Variants in PDZRN3 observed in about 807,000 individuals in gnomAD.
PDZRN3 encodes PDZ domain containing ring finger 3, also known as E3 ubiquitin-protein ligase PDZRN3.
A neutral mutation model predicts 85.7 loss-of-function variants in PDZRN3; 38 were observed. That is an observed-to-expected ratio of 0.44 (90% confidence interval 0.34 to 0.58). The LOEUF (loss-of-function observed/expected upper bound fraction) is 0.58. Ranked by LOEUF, PDZRN3 falls within the 20% of genes least tolerant of loss-of-function variation. PDZRN3 has a pLI of 0.01. For missense variants in PDZRN3, 1,629 were observed against 1,506.4 expected, an observed-to-expected ratio of 1.08 and a Z score of -1.35; for synonymous variants, 759 against 638.0, an observed-to-expected ratio of 1.19 and a Z score of -2.86.
chr3:73,603,079 T>C (rs1200205535), intron 2 of PDZRN3, among the ~76,000 whole-genome samples: 5 of 152,264 alleles, frequency 3.3e-5, no homozygotes, highest in African/African-American at 1.2e-4. Context: ...ATTTCAAAGA[T>C]ATTGCCAAAT....
chr3:73,545,606 A>G (rs910750700), intron 3 of PDZRN3, among the ~76,000 whole-genome samples: 1 of 152,184 alleles, frequency 6.6e-6, no homozygotes, highest in African/African-American at 2.4e-5. Context: ...GGAATTGCCA[A>G]TGTCCAACCA....
intron 3 of PDZRN3, among the ~76,000 whole-genome samples, chr3:73,600,028 T>C (rs1474854049): frequency 6.6e-6 from 1 of 152,154 alleles, no homozygotes; most frequent in Non-Finnish European, 1.5e-5. Context: ...ACAGTATTGG[T>C]GGAATTCCAA....
intron 3 of PDZRN3, among the ~76,000 whole-genome samples, chr3:73,456,654 A>G (rs1702983203): frequency 6.6e-6 from 1 of 152,184 alleles, no homozygotes. Context: ...TCACAATAAC[A>G]TCGTCATGTA....
At chr3:73,531,250 CAAAAAAA>C (rs60520136) in intron 3 of PDZRN3, among the ~76,000 whole-genome samples, 2 of 63,944 alleles carry the variant, frequency 3.1e-5, no homozygotes, top group Non-Finnish European at 3.0e-5. Context: ...GACTTCGTCT[CAAAAAAA>C]AAAAAAAAAA....
chr3:73,554,353 GACAC>G lies in PDZRN3; in HGVS notation c.918+47997_918+48000del, dbSNP rs35130068. 6.2e-3 allele frequency among the ~76,000 whole-genome samples: 910 copies of G among 147,266 alleles called. 1 individual carries two copies. The highest frequency in any genetic ancestry group is 0.015 in the African/African-American group (618 of 39,932). The stretch of plus-strand genomic sequence containing the variant: ...ATATCTCACAGGATTGTTGAGAGAA[GACAC>G]ACACACACACACACACACACACACA... On this transcript the variant is annotated intron_variant, in intron 3 of 9. Transcript: ENST00000263666.
At chr3:73,461,998 T>A (rs936413338) in intron 3 of PDZRN3, among the ~76,000 whole-genome samples, 1 of 152,224 alleles carries the variant, frequency 6.6e-6, no homozygotes, top group Non-Finnish European at 1.5e-5. Flanking sequence ...TTGCTCAATA[T>A]TCATTAATGA....
At chr3:73,572,623 C>T (rs1319339714) in intron 3 of PDZRN3, among the ~76,000 whole-genome samples, 1 of 152,132 alleles carries the variant, frequency 6.6e-6, no homozygotes. Context: ...GTCCTTGTTC[C>T]AAGCACACCT....
intron 3 of PDZRN3, among the ~76,000 whole-genome samples, chr3:73,477,585 C>T (rs529457275): frequency 9.9e-5 from 15 of 152,152 alleles, no homozygotes; most frequent in South Asian, 2.1e-4. Flanking sequence ...TGAAAACAAA[C>T]GCTCATGAGC....
At chr3:73,598,658 C>G (rs1422276760) in intron 3 of PDZRN3, among the ~76,000 whole-genome samples, 4 of 152,196 alleles carry the variant, frequency 2.6e-5, no homozygotes, top group African/African-American at 9.7e-5. Context: ...GGCACTTCAT[C>G]TAAGGGGGCC....
chr3:73,522,752 TGAAA>T (rs1221991286), intron 3 of PDZRN3, among the ~76,000 whole-genome samples: 1 of 152,146 alleles, frequency 6.6e-6, no homozygotes, highest in African/African-American at 2.4e-5. Flanking sequence ...AAGAGATATT[TGAAA>T]GAGAGAAACA....
intron 3 of PDZRN3, among the ~76,000 whole-genome samples, chr3:73,556,491 C>T (rs2106818216): frequency 6.6e-6 from 1 of 152,180 alleles, no homozygotes; most frequent in African/African-American, 2.4e-5. Context: ...GTAAAATGAC[C>T]TTTAAATGGT....
At chr3:73,463,861 T>C (rs1703156246) in intron 3 of PDZRN3, among the ~76,000 whole-genome samples, 3 of 152,134 alleles carry the variant, frequency 2.0e-5, no homozygotes, top group African/African-American at 7.2e-5. Context: ...AATACCTGGG[T>C]GATGAAATAA....
chr3:73,443,479 CTTTTTT>C (rs768320565), intron 3 of PDZRN3, among the ~76,000 whole-genome samples: 1 of 48,150 alleles, frequency 2.1e-5, no homozygotes. Context: ...TTTCCTTTTT[CTTTTTT>C]TTTTTTTTTT....
At chr3:73,390,635 A>ATGTG (rs746695153) in intron 6 of PDZRN3, among the ~76,000 whole-genome samples, 40 of 139,462 alleles carry the variant, frequency 2.9e-4, no homozygotes, top group African/African-American at 9.3e-4. Flanking sequence ...AGAAAAAAAA[A>ATGTG]TGTGTGTGTG....
chr3:73,562,622 G>A (rs527587450), intron 3 of PDZRN3, among the ~76,000 whole-genome samples: 1 of 151,858 alleles, frequency 6.6e-6, no homozygotes, highest in African/African-American at 2.4e-5. Context: ...CTACATTTCC[G>A]GGACTTCAGG....
At chr3:73,523,694 G>A (rs925407832) in intron 3 of PDZRN3, among the ~76,000 whole-genome samples, 6 of 152,088 alleles carry the variant, frequency 3.9e-5, no homozygotes, top group Admixed American at 2.0e-4. Context: ...GAAAAATATG[G>A]TGGCACAACT....
chr3:73,460,096 C>T (rs1286932684), intron 3 of PDZRN3, among the ~76,000 whole-genome samples: 2 of 152,140 alleles, frequency 1.3e-5, no homozygotes, highest in African/African-American at 4.8e-5. Context: ...TATAATGTAT[C>T]ATCTTTACCA....
At chr3:73,499,616 A>G (rs182610413) in intron 3 of PDZRN3, among the ~76,000 whole-genome samples, 59 of 152,354 alleles carry the variant, frequency 3.9e-4, no homozygotes, top group Middle Eastern at 3.4e-3. Flanking sequence ...CAATCGCTAG[A>G]TAAGAAATCG....
chr3:73,623,279 A>G (rs1252410803), intron 1 of PDZRN3, among the ~76,000 whole-genome samples: 1 of 152,226 alleles, frequency 6.6e-6, no homozygotes, highest in Non-Finnish European at 1.5e-5. Context: ...TCTGGGAATT[A>G]AGCCAGAAGC....
Sources: gnomAD v4.1 joint callset for allele counts (sites outside exome capture counted in the v4.1 genomes callset) on GRCh38, gnomAD v4.1.1 for gene constraint, MANE v1.5 for transcripts, NCBI Gene and HGNC (gene_info 2026-07-23, HGNC 2026-07-21) for gene names.